The following MECOM variants were observed in gnomAD, a reference collection of about 807,000 sequenced individuals.
MECOM encodes the protein MDS1 and EVI1 complex locus, also known as histone-lysine N-methyltransferase MECOM.
A neutral mutation model predicts 116.3 loss-of-function variants in MECOM; 13 were observed. The ratio of observed to expected loss-of-function variants is 0.11; its 90% CI spans 0.07 to 0.18. The LOEUF is 0.18. Among genes scored for constraint, MECOM ranks in the 10% least tolerant of loss-of-function variants. The pLI is 1.00. For missense variants in MECOM, 1,299 were observed against 1,509.0 expected, an observed-to-expected ratio of 0.86 and a Z score of 2.31; for synonymous variants, 528 against 535.2, an observed-to-expected ratio of 0.99 and a Z score of 0.19.
chr3:169,106,132 T>C (rs903323696), intron 10 of MECOM, among the ~76,000 whole-genome samples: 3 of 152,156 alleles, frequency 2.0e-5, no homozygotes. Context: ...AAATAACTTA[T>C]GATGGGAAAG....
At chr3:169,086,687 C>T in intron 16 of MECOM, 1 of 589,118 alleles carries the variant, frequency 1.7e-6, no homozygotes, top group Non-Finnish European at 3.0e-6. Flanking sequence ...ATAAATAGTA[C>T]CTATTACCAT....
At chr3:169,433,730 C>G (rs547537430) in intron 1 of MECOM, among the ~76,000 whole-genome samples, 1 of 152,010 alleles carries the variant, frequency 6.6e-6, no homozygotes, top group South Asian at 2.1e-4. Flanking sequence ...CTTTCAATAA[C>G]ATTGAGAGCA....
intron 2 of MECOM, among the ~76,000 whole-genome samples, chr3:169,298,501 T>C (rs1012565295): frequency 1.3e-5 from 2 of 151,844 alleles, no homozygotes; most frequent in Admixed American, 1.3e-4. Context: ...TATATACATA[T>C]CTCCTTATAC....
chr3:169,382,864 ATAAAAAAAAT>A (rs374956656), intron 1 of MECOM, among the ~76,000 whole-genome samples: 24,093 of 111,200 alleles, frequency 0.22, 3,581 homozygotes, highest in East Asian at 0.4. Context: ...AAAAAAAAAA[ATAAAAAAAAT>A]AAAAAAAGAA....
At chr3:169,433,691 G>A (rs3980667) in intron 1 of MECOM, among the ~76,000 whole-genome samples, 2,217 of 121,748 alleles carry the variant, frequency 0.018, 20 homozygotes, top group Non-Finnish European at 0.023. Flanking sequence ...GAAAGAAAGA[G>A]AAAGAAAGAA....
intron 8 of MECOM, 43 bp from the exon 9 acceptor site, chr3:169,112,917 A>T: frequency 7.3e-7 from 1 of 1,363,554 alleles, no homozygotes; most frequent in Non-Finnish European, 1.0e-6. Flanking sequence ...GCAGTCTCAC[A>T]TATCAATCAC....
chr3:169,115,557 G>T lies in MECOM; in HGVS notation c.2315C>A (p.Pro772His). 1 of 1,614,116 alleles carries T rather than the reference G, an allele frequency of 6.2e-7. No individual in the cohort carries two copies. Among genetic ancestry groups the T allele is most frequent in the Non-Finnish European group, 8.5e-7 (1 of 1,180,020 alleles). Residue 772 changes from proline (P) to histidine (H), a missense_variant, in exon 8 of 17, where the codon CCC becomes CAC. Pro to His is a moderately conservative substitution (Grantham distance 77, BLOSUM62 -2). Transcript: ENST00000651503. Reference protein sequence around the residue: ...PVTPATSQDQPLDLSMGSRSR... With the variant: ...PVTPATSQDQHLDLSMGSRSR... Reference sequence around the variant, plus strand: ...CCTACTGCCCATACTTAGATCCAGGGGCTGGTCTTGGCTTGTGGCAGGTGT... The same window carrying T: ...CCTACTGCCCATACTTAGATCCAGGTGCTGGTCTTGGCTTGTGGCAGGTGT...
rs545600094 is a variant in MECOM, at chr3:169,366,457, A to T, written c.375+14730T>A. Among the ~76,000 whole-genome samples, 9 of 152,068 alleles carry T rather than the reference A, an allele frequency of 5.9e-5. No individual in the cohort carries two copies. The South Asian group carries it at 1.9e-3, about 32-fold the overall frequency. On this transcript the variant is annotated intron_variant, in intron 2 of 16. Coordinates refer to ENST00000651503, the MANE Select transcript of MECOM (RefSeq NM_004991.4). ...GCTCCTACCCGTACAGTACATTCAC[A>T]TAAGGAGACTCATACTCATCTGAAA...
intron 2 of MECOM, among the ~76,000 whole-genome samples, chr3:169,230,596 C>T (rs950656277): frequency 2.1e-4 from 32 of 152,254 alleles, no homozygotes; most frequent in African/African-American, 7.5e-4. Context: ...CCAACTCACA[C>T]ATATAACTAT....
chr3:169,184,511 A>G (rs565506926), intron 2 of MECOM, among the ~76,000 whole-genome samples: 1 of 133,368 alleles, frequency 7.5e-6, no homozygotes, highest in East Asian at 2.0e-4. Flanking sequence ...GTTTTAGTGC[A>G]GAATACATTT....
At chr3:169,270,606 T>C (rs144197933) in intron 2 of MECOM, among the ~76,000 whole-genome samples, 1 of 152,260 alleles carries the variant, frequency 6.6e-6, no homozygotes, top group East Asian at 1.9e-4. Context: ...GTTTACAATC[T>C]TGATAATTCT....
chr3:169,258,323 G>A (rs1757128160), intron 2 of MECOM, among the ~76,000 whole-genome samples: 1 of 152,200 alleles, frequency 6.6e-6, no homozygotes, highest in Non-Finnish European at 1.5e-5. Context: ...GAAAACCAGA[G>A]ATTAGAACTA....
chr3:169,561,509 T>A (rs949421926), intron 1 of MECOM, among the ~76,000 whole-genome samples: 2 of 152,164 alleles, frequency 1.3e-5, no homozygotes, highest in Non-Finnish European at 2.9e-5. Flanking sequence ...TGGTCCCATT[T>A]AAATAAAGTT....
intron 2 of MECOM, among the ~76,000 whole-genome samples, chr3:169,210,428 G>T (rs1366415082): frequency 6.6e-6 from 1 of 152,136 alleles, no homozygotes; most frequent in Non-Finnish European, 1.5e-5. Flanking sequence ...CGGCATTATT[G>T]TTAGCTACTC....
At chr3:169,254,642 G>A (rs966568219) in intron 2 of MECOM, among the ~76,000 whole-genome samples, 2 of 151,926 alleles carry the variant, frequency 1.3e-5, no homozygotes, top group Non-Finnish European at 2.9e-5. Flanking sequence ...ATTTGACATT[G>A]TTTTCAACAA....
At chr3:169,333,893 C>G (rs1577747356) in intron 2 of MECOM, among the ~76,000 whole-genome samples, 1 of 141,404 alleles carries the variant, frequency 7.1e-6, no homozygotes, top group African/African-American at 2.8e-5. Context: ...TCCTTCCTTC[C>G]TTCCTCCCTC....
intron 2 of MECOM, among the ~76,000 whole-genome samples, chr3:169,377,575 T>G (rs1223575769): frequency 6.6e-6 from 1 of 152,140 alleles, no homozygotes; most frequent in Non-Finnish European, 1.5e-5. Context: ...GCAAAAAAGC[T>G]CATAATCACT....
At chr3:169,352,909 C>A (rs1001457465) in intron 2 of MECOM, among the ~76,000 whole-genome samples, 6 of 151,930 alleles carry the variant, frequency 3.9e-5, no homozygotes, top group Non-Finnish European at 8.8e-5. Context: ...ACAATCTTAT[C>A]TCTCTCTGCT....
At chr3:169,563,724 C>T (rs553729651) in intron 1 of MECOM, among the ~76,000 whole-genome samples, 109 of 152,228 alleles carry the variant, frequency 7.2e-4, no homozygotes, top group Non-Finnish European at 1.0e-3. Flanking sequence ...TCAGGCATAG[C>T]GATTCACACA....
Sources: allele counts gnomAD v4.1 joint callset (sites outside exome capture counted in the v4.1 genomes callset), GRCh38; gene constraint gnomAD v4.1.1; transcripts MANE v1.5; gene names NCBI Gene and HGNC (gene_info 2026-07-23, HGNC 2026-07-21).